Variants in TDRD12 observed in about 807,000 individuals in gnomAD.
The protein encoded by TDRD12 is putative ATP-dependent RNA helicase TDRD12.
TDRD12 carries 158 observed loss-of-function variants against 133.5 expected under a neutral mutation model. That is an observed-to-expected ratio of 1.18 (90% confidence interval 1.04 to 1.35). TDRD12 has a LOEUF of 1.35. TDRD12 is among the 40% of genes most tolerant of loss of function. TDRD12 has a pLI of 0.00. For synonymous variants in TDRD12, 460 were observed against 477.9 expected (o/e 0.96, Z 0.49); for missense variants, 1,443 against 1,321.3 (o/e 1.09, Z -1.43).
intron 11 of TDRD12, among the ~76,000 whole-genome samples, chr19:32,780,498 A>G (rs1168664558): frequency 6.6e-6 from 1 of 152,196 alleles, no homozygotes; most frequent in African/African-American, 2.4e-5. Flanking sequence ...CCAGGGTCAG[A>G]CACTGTCCTT....
intron 8 of TDRD12, among the ~76,000 whole-genome samples, chr19:32,758,987 A>G (rs1488576576): frequency 6.6e-6 from 1 of 151,880 alleles, no homozygotes; most frequent in Non-Finnish European, 1.5e-5. Flanking sequence ...CATGCCTGTA[A>G]TCCTAGCACT....
intron 21 of TDRD12, among the ~76,000 whole-genome samples, chr19:32,803,736 C>T (rs1971465965): frequency 1.3e-5 from 2 of 152,294 alleles, no homozygotes; most frequent in Admixed American, 6.5e-5. Context: ...GTCCCCAACC[C>T]TCACCAGCGC....
chr19:32,750,369 G>A (rs765021129), intron 6 of TDRD12, among the ~76,000 whole-genome samples: 7 of 152,146 alleles, frequency 4.6e-5, no homozygotes, highest in Non-Finnish European at 1.5e-5. Flanking sequence ...AGGCAGAGGT[G>A]GACAGAAGGG....
chr19:32,789,109 AG>A (rs149687545), intron 11 of TDRD12, among the ~76,000 whole-genome samples: 16,160 of 152,086 alleles, frequency 0.11, 1,061 homozygotes, highest in Middle Eastern at 0.17. Flanking sequence ...GGTGATGCAG[AG>A]GTTCCCCCCT....
exon 24 of TDRD12, chr19:32,811,254 T>C (rs1206300638): frequency 1.3e-6 from 2 of 1,536,128 alleles, no homozygotes; most frequent in South Asian, 2.4e-5. Context: ...GCCTGGGCCC[T>C]GGATGACATC....
intron 3 of TDRD12, among the ~76,000 whole-genome samples, chr19:32,739,878 G>GTA (rs1969356888): frequency 8.6e-6 from 1 of 115,884 alleles, no homozygotes; most frequent in African/African-American, 3.4e-5. Flanking sequence ...CTCCTGGTGC[G>GTA]CTGTCTGCAT....
exon 1 of TDRD12, chr19:32,719,901 C>T: frequency 1.1e-5 from 8 of 754,616 alleles, no homozygotes; most frequent in Non-Finnish European, 1.5e-5. Flanking sequence ...CGCGAGGGCT[C>T]CTGGGGACGA....
At chr19:32,729,792 T>TTC (rs1968987695) in intron 1 of TDRD12, among the ~76,000 whole-genome samples, 1 of 123,578 alleles carries the variant, frequency 8.1e-6, no homozygotes, top group African/African-American at 3.4e-5. Flanking sequence ...TTTTTTTTTT[T>TTC]TTTTTTTTTT....
At position 32,807,668 on chromosome 19, in the gene TDRD12, C is replaced by T; in HGVS notation, c.2652+20C>T. The stretch of plus-strand genomic sequence containing the variant: ...ATTAAAGTAGGTTTGGTTAAAGATG[C>T]TTGTGTCCTCTGACGAATGGTCATG... On this transcript the variant is annotated intron_variant, in intron 22 of 27. Transcript: ENST00000444215. The T allele has an allele frequency of 1.4e-6, 2 of 1,454,748 alleles. No homozygotes were observed. The highest frequency in any genetic ancestry group is 1.8e-6 in the Non-Finnish European group (2 of 1,083,216). The allele number at this position is 1,454,748 out of a possible 1,614,324, so 90.1% of individuals were successfully genotyped here. A position where few individuals can be genotyped will look rare whatever the true frequency, so the allele number is the denominator to read the frequency against.
intron 9 of TDRD12, 112 bp downstream of exon 32, chr19:32,826,861 G>T (rs1376354866): frequency 1.5e-6 from 1 of 659,436 alleles, no homozygotes; most frequent in Non-Finnish European, 2.1e-6. Context: ...TTCATGTCAA[G>T]CCCTGAGAAA....
chr19:32,765,472 A>C (rs1185214836), intron 8 of TDRD12, among the ~76,000 whole-genome samples: 1 of 152,210 alleles, frequency 6.6e-6, no homozygotes, highest in African/African-American at 2.4e-5. Context: ...CACAATAGCA[A>C]ATACTTGGAA....
intron 19 of TDRD12, 22 bp from the exon 20 acceptor site, chr19:32,802,632 CAT>C: frequency 6.5e-7 from 1 of 1,534,076 alleles, no homozygotes; most frequent in Non-Finnish European, 8.7e-7. Context: ...GCGCGTGTGA[CAT>C]TGTCGGACTC....
At chr19:32,793,452 C>T (rs891611540) in intron 13 of TDRD12, among the ~76,000 whole-genome samples, 3 of 152,112 alleles carry the variant, frequency 2.0e-5, no homozygotes, top group Non-Finnish European at 4.4e-5. Context: ...GATAGTTGCT[C>T]AATACCAAGT....
chr19:32,796,071 G>A (rs1039329460), intron 14 of TDRD12: 39 of 698,100 alleles, frequency 5.6e-5, no homozygotes, highest in Non-Finnish European at 6.5e-5. Flanking sequence ...AGAGAGGAGC[G>A]GTGTGAAGGT....
Position 32,731,752 on chromosome 19 carries a change from A to AT in TDRD12, c.54dup (p.Ile19TyrfsTer5). On this transcript the variant is annotated frameshift_variant, in exon 2 of 28. Transcript: ENST00000444215. LOFTEE classifies it high-confidence loss of function. ...TGAAGATCCAGGTTGCTTCTGGGTT[A>AT]TTATAAAAGGGTGTAGTCCCTTTTT... 6.5e-7 allele frequency: 1 copy of AT among 1,545,342 alleles called. No individual in the cohort carries two copies. The highest frequency in any genetic ancestry group is 8.7e-7 in the Non-Finnish European group (1 of 1,145,558).
At chr19:32,719,863 C>T (rs891462260) in exon 1 of TDRD12, 5 of 607,836 alleles carry the variant, frequency 8.2e-6, no homozygotes, top group Admixed American at 2.8e-5. Flanking sequence ...CAGGACGGAG[C>T]GCATTGCCTC....
chr19:32,813,622 A>G (rs1967080285), intron 24 of TDRD12, 62 bp from the exon 25 acceptor site: 2 of 941,212 alleles, frequency 2.1e-6, no homozygotes, highest in Non-Finnish European at 3.2e-6. Context: ...ACTGTATGGC[A>G]TATACAAAAT....
chr19:32,810,084 A>G lies in TDRD12; in HGVS notation c.2653-9A>G, dbSNP rs896037668. 1 of 1,490,338 alleles carries G rather than the reference A, an allele frequency of 6.7e-7. No homozygotes were observed. Among genetic ancestry groups the G allele is most frequent in the Non-Finnish European group, 9.0e-7 (1 of 1,116,822 alleles). The allele number at this position is 1,490,338 out of a possible 1,614,324, so 92.3% of individuals were successfully genotyped here. A position where few individuals can be genotyped will look rare whatever the true frequency, so the allele number is the denominator to read the frequency against. On this transcript the variant is annotated splice_polypyrimidine_tract_variant and intron_variant, in intron 22 of 27. Coordinates refer to ENST00000444215, the Ensembl canonical transcript of TDRD12. ...TGTTTCTTGGTCATGTTTACTATAT[A>G]TGTTTCAGATAATACCTTTTTATAT...
chr19:32,810,152 C>T, exon 23 of TDRD12: 1 of 1,534,750 alleles, frequency 6.5e-7, no homozygotes, highest in Non-Finnish European at 8.7e-7. Flanking sequence ...TTGATAAACA[C>T]ATGGATCTTT....
Sources: allele counts gnomAD v4.1 joint callset (sites outside exome capture counted in the v4.1 genomes callset), GRCh38; gene constraint gnomAD v4.1.1; transcripts MANE v1.5; gene names NCBI Gene and HGNC (gene_info 2026-07-23, HGNC 2026-07-21).